The following KALRN variants were observed in gnomAD, a reference collection of about 807,000 sequenced individuals.
KALRN encodes the protein kalirin.
KALRN carries 70 observed loss-of-function variants against 353.7 expected under a neutral mutation model. The ratio of observed to expected loss-of-function variants is 0.20; its 90% CI spans 0.16 to 0.24. The LOEUF is 0.24. Ranked by LOEUF, KALRN falls within the 10% of genes least tolerant of loss-of-function variation. KALRN has a pLI of 1.00. For missense variants in KALRN, 2,791 were observed against 3,756.7 expected (o/e 0.74, Z 6.72); for synonymous variants, 1,391 against 1,434.8 (o/e 0.97, Z 0.69).
At chr3:124,621,308 T>A (rs1465494332) in intron 34 of KALRN, among the ~76,000 whole-genome samples, 1 of 152,198 alleles carries the variant, frequency 6.6e-6, no homozygotes, top group African/African-American at 2.4e-5. Flanking sequence ...GATACAGATG[T>A]TCTAAATGCA....
At chr3:124,391,736 A>T (rs2089418789) in intron 11 of KALRN, among the ~76,000 whole-genome samples, 1 of 152,178 alleles carries the variant, frequency 6.6e-6, no homozygotes, top group South Asian at 2.1e-4. Flanking sequence ...GCTTATTCAA[A>T]ATTATGAGCT....
At position 124,270,358 on chromosome 3, in the gene KALRN, A is replaced by G. The variant is rs142633879; in HGVS notation, c.969+1103A>G. On this transcript the variant is annotated intron_variant, in intron 5 of 59. Transcript: ENST00000682506. The stretch of plus-strand genomic sequence containing the variant: ...GAAATCGAGATCTTCAGCTCTCTGT[A>G]TAAGTGTGATCCCAATTTATGTATT... Among the ~76,000 whole-genome samples the G allele has an allele frequency of 1.3e-4, 20 of 152,316 alleles. No homozygotes were observed. In the East Asian group the frequency reaches 2.5e-3, roughly 19 times the overall value.
At chr3:124,527,877 G>A (rs963225170) in intron 33 of KALRN, among the ~76,000 whole-genome samples, 4 of 152,156 alleles carry the variant, frequency 2.6e-5, no homozygotes, top group Admixed American at 1.3e-4. Context: ...CACCTATGGT[G>A]TGGTTAAACA....
At chr3:124,073,159 T>C (rs1156663221) in intron 1 of KALRN, among the ~76,000 whole-genome samples, 1 of 152,238 alleles carries the variant, frequency 6.6e-6, no homozygotes, top group East Asian at 1.9e-4. Context: ...AGTTTCTGGC[T>C]TATACATCAG....
At chr3:124,315,278 T>C (rs1303370179) in intron 6 of KALRN, among the ~76,000 whole-genome samples, 2 of 152,328 alleles carry the variant, frequency 1.3e-5, no homozygotes, top group East Asian at 3.9e-4. Context: ...CAGCCATGTT[T>C]GGGGATTGGT....
At chr3:124,707,394 TTTCC>T (rs368400674) in intron 57 of KALRN, among the ~76,000 whole-genome samples, 44,191 of 140,470 alleles carry the variant, frequency 0.31, 7,429 homozygotes, top group Non-Finnish European at 0.4. Context: ...AGAATAGCAG[TTTCC>T]TTCCTTCCTT....
intron 25 of KALRN, among the ~76,000 whole-genome samples, chr3:124,470,092 A>G (rs1237496069): frequency 6.6e-6 from 1 of 152,224 alleles, no homozygotes; most frequent in Non-Finnish European, 1.5e-5. Flanking sequence ...ACTGCATAAT[A>G]TATTAAATTA....
intron 1 of KALRN, among the ~76,000 whole-genome samples, chr3:124,154,306 A>G (rs1319530910): frequency 6.6e-6 from 1 of 152,234 alleles, no homozygotes; most frequent in African/African-American, 2.4e-5. Context: ...AATTACAAAA[A>G]CAGGAAGTCA....
intron 33 of KALRN, among the ~76,000 whole-genome samples, chr3:124,522,404 C>G (rs570036310): frequency 1.3e-5 from 2 of 152,108 alleles, no homozygotes; most frequent in East Asian, 3.9e-4. Flanking sequence ...TAACATGTCG[C>G]TGTGGGCCTA....
intron 1 of KALRN, among the ~76,000 whole-genome samples, chr3:124,140,450 A>G (rs1036545281): frequency 6.6e-6 from 1 of 152,152 alleles, no homozygotes; most frequent in African/African-American, 2.4e-5. Context: ...GTCAGACCTT[A>G]TCTTGAGGAT....
At chr3:124,425,612 T>C (rs1477360979) in intron 15 of KALRN, among the ~76,000 whole-genome samples, 1 of 152,186 alleles carries the variant, frequency 6.6e-6, no homozygotes, top group East Asian at 1.9e-4. Flanking sequence ...GGAATGACCA[T>C]CTGAACAAAA....
chr3:124,711,112 AATG>A (rs2062863669), intron 57 of KALRN, among the ~76,000 whole-genome samples: 1 of 152,336 alleles, frequency 6.6e-6, no homozygotes, highest in East Asian at 1.9e-4. Context: ...CTGTGCCAAG[AATG>A]ATATTTGGTA....
At chr3:124,390,415 C>T (rs1486399533) in intron 11 of KALRN, among the ~76,000 whole-genome samples, 2 of 152,172 alleles carry the variant, frequency 1.3e-5, no homozygotes, top group African/African-American at 2.4e-5. Context: ...CCATTTCCTA[C>T]TCAAATAGGT....
intron 1 of KALRN, chr3:124,094,988 C>G (rs756612586): frequency 4.7e-6 from 6 of 1,289,926 alleles, no homozygotes; most frequent in African/African-American, 2.9e-5. Context: ...CAGAAAGACA[C>G]AGCAGAGAGG....
chr3:124,150,285 C>A (rs576142320), intron 1 of KALRN, among the ~76,000 whole-genome samples: 1 of 152,260 alleles, frequency 6.6e-6, no homozygotes, highest in Admixed American at 6.5e-5. Context: ...ATTTGTTCAA[C>A]AAATAAGACC....
chr3:124,657,819 C>T lies in KALRN; in HGVS notation c.6036+16C>T, dbSNP rs773142463. 2 of 1,551,886 alleles carry T rather than the reference C, an allele frequency of 1.3e-6. No homozygotes were observed. The highest frequency in any genetic ancestry group is 1.7e-5 in the Admixed American group (1 of 59,832). The stretch of plus-strand genomic sequence containing the variant: ...TATTAAGCACGTGAGTGTCTCCCAT[C>T]ACCTCCTCCCCAACTCCTTCACTAG... On this transcript the variant is annotated intron_variant, in intron 41 of 59. Coordinates refer to ENST00000682506, the MANE Select transcript of KALRN (RefSeq NM_001388419.1).
chr3:124,256,863 A>G (rs2072082267), intron 3 of KALRN, among the ~76,000 whole-genome samples: 1 of 152,190 alleles, frequency 6.6e-6, no homozygotes, highest in African/African-American at 2.4e-5. Context: ...CAACTTAGAG[A>G]GGGGAGCCAG....
In KALRN at chr3:124,087,103, C is replaced by T. The variant is rs1033252294; in HGVS notation, c.73+53290C>T. On this transcript the variant is annotated intron_variant, in intron 1 of 59. Transcript: ENST00000682506. ...AAAAGAATATTGAAACCTTTATGCC[C>T]CTTCATGCATTTTAGTGGATACCTA... Among the ~76,000 whole-genome samples, 3 of 152,056 alleles carry T rather than the reference C, an allele frequency of 2.0e-5. No individual in the cohort carries two copies. The South Asian group carries it at 6.2e-4, about 32-fold the overall frequency.
At chr3:124,199,188 G>T (rs2075728885) in intron 1 of KALRN, among the ~76,000 whole-genome samples, 1 of 152,188 alleles carries the variant, frequency 6.6e-6, no homozygotes, top group Non-Finnish European at 1.5e-5. Flanking sequence ...ATTCACTCTT[G>T]CTGCTTCCAG....
Sources: allele counts gnomAD v4.1 joint callset (sites outside exome capture counted in the v4.1 genomes callset), GRCh38; gene constraint gnomAD v4.1.1; transcripts MANE v1.5; gene names NCBI Gene and HGNC (gene_info 2026-07-23, HGNC 2026-07-21).